The following PRMT3 variants were observed in gnomAD, a reference collection of about 807,000 sequenced individuals.
PRMT3 encodes protein arginine N-methyltransferase 3.
PRMT3 carries 62 observed loss-of-function variants against 71.9 expected under a neutral mutation model. The observed-to-expected ratio is 0.86, with a 90% CI of 0.70 to 1.07. The LOEUF (loss-of-function observed/expected upper bound fraction) is 1.07. Ranked by LOEUF, PRMT3 falls within the 50% of genes least tolerant of loss-of-function variation. The probability of loss-of-function intolerance (pLI) is 0.00; values close to 1 mark genes in which losing one functional copy is unlikely to be tolerated. For missense variants in PRMT3, 663 were observed against 643.0 expected, an observed-to-expected ratio of 1.03 and a Z score of -0.34; for synonymous variants, 213 against 220.4, an observed-to-expected ratio of 0.97 and a Z score of 0.30.
intron 13 of PRMT3, among the ~76,000 whole-genome samples, chr11:20,464,836 T>G (rs1850470894): frequency 6.6e-6 from 1 of 152,168 alleles, no homozygotes; most frequent in Non-Finnish European, 1.5e-5. Flanking sequence ...CAACTTTATC[T>G]TCAAAGACCA....
chr11:20,488,035 C>G (rs1335842371), intron 13 of PRMT3, among the ~76,000 whole-genome samples: 3 of 152,126 alleles, frequency 2.0e-5, no homozygotes. Context: ...TACCACCACT[C>G]AATCTGGCAG....
chr11:20,429,797 T>C (rs1229247431), intron 10 of PRMT3, among the ~76,000 whole-genome samples: 1 of 152,224 alleles, frequency 6.6e-6, no homozygotes, highest in Non-Finnish European at 1.5e-5. Context: ...GGCAGTCAGC[T>C]CTGGATGGCC....
intron 9 of PRMT3, among the ~76,000 whole-genome samples, chr11:20,423,873 T>TAAAAAAAAAAAAAAA (rs58636447): frequency 3.7e-5 from 1 of 27,100 alleles, no homozygotes; most frequent in African/African-American, 1.1e-4. Flanking sequence ...GATTCTCTCT[T>TAAAAAAAAAAAAAAA]AAAAAAAAAA....
chr11:20,492,076 T>C (rs778137899), intron 13 of PRMT3, among the ~76,000 whole-genome samples: 84 of 152,334 alleles, frequency 5.5e-4, no homozygotes, highest in Admixed American at 1.2e-3. Flanking sequence ...GGCATAGAAG[T>C]GAGTTATACA....
chr11:20,417,789 C>T (rs1849340869), intron 9 of PRMT3, among the ~76,000 whole-genome samples: 1 of 152,042 alleles, frequency 6.6e-6, no homozygotes, highest in African/African-American at 2.4e-5. Context: ...CACACACACA[C>T]ACACACACAG....
At chr11:20,451,336 G>A (rs898353557) in intron 10 of PRMT3, among the ~76,000 whole-genome samples, 12 of 152,024 alleles carry the variant, frequency 7.9e-5, no homozygotes, top group African/African-American at 2.9e-4. Flanking sequence ...CAGAAAGTGG[G>A]TAATACTTGG....
At chr11:20,447,460 C>T (rs964011585) in intron 10 of PRMT3, among the ~76,000 whole-genome samples, 2 of 151,964 alleles carry the variant, frequency 1.3e-5, no homozygotes, top group Non-Finnish European at 2.9e-5. Context: ...GTGTCAATAT[C>T]GAGAAACCCT....
In PRMT3 at chr11:20,413,120, A is replaced by G. The variant is rs549602392; in HGVS notation, c.893+5088A>G. On this transcript the variant is annotated intron_variant, in intron 9 of 15. Transcript: ENST00000331079. ...AGGCCTTTTTGTTTTGGATAAGCCAACATTGTACTGTTTCTTCAGAAATGT... is the reference window on the plus strand; with the variant it reads ...AGGCCTTTTTGTTTTGGATAAGCCAGCATTGTACTGTTTCTTCAGAAATGT... Among the ~76,000 whole-genome samples, 6 of 152,342 alleles carry G rather than the reference A, an allele frequency of 3.9e-5. No homozygotes were observed. The South Asian group carries it at 6.2e-4, about 16-fold the overall frequency.
At chr11:20,460,829 T>C (rs1430851048) in intron 11 of PRMT3, among the ~76,000 whole-genome samples, 8 of 152,182 alleles carry the variant, frequency 5.3e-5, no homozygotes, top group African/African-American at 1.9e-4. Flanking sequence ...AGCCTCAAAG[T>C]CCTCTGAGTT....
chr11:20,463,151 G>A (rs959974022), intron 12 of PRMT3, among the ~76,000 whole-genome samples: 4 of 152,110 alleles, frequency 2.6e-5, no homozygotes, highest in Non-Finnish European at 4.4e-5. Flanking sequence ...TTTTAATCAC[G>A]CTGTTACTTT....
chr11:20,504,707 TGAGAGAGAGA>T (rs57201745), intron 15 of PRMT3, among the ~76,000 whole-genome samples: 344 of 133,618 alleles, frequency 2.6e-3, no homozygotes, highest in Admixed American at 4.2e-3. Context: ...TGTGTGTGTG[TGAGAGAGAGA>T]GAGAGAGAGA....
At chr11:20,506,557 TATAAC>T (rs1407529248) in intron 15 of PRMT3, among the ~76,000 whole-genome samples, 1 of 152,220 alleles carries the variant, frequency 6.6e-6, no homozygotes, top group African/African-American at 2.4e-5. Context: ...TGAAAATAAA[TATAAC>T]AGGTGGTTAT....
At chr11:20,417,446 C>T (rs1455663558) in intron 9 of PRMT3, among the ~76,000 whole-genome samples, 1 of 152,078 alleles carries the variant, frequency 6.6e-6, no homozygotes, top group African/African-American at 2.4e-5. Context: ...TAAATGCACT[C>T]GATTAGGTGT....
intron 5 of PRMT3, among the ~76,000 whole-genome samples, chr11:20,393,291 CA>C (rs1374477807): frequency 3.8e-4 from 58 of 152,160 alleles, no homozygotes; most frequent in African/African-American, 1.4e-3. Context: ...ACTAAAAATA[CA>C]AAAAATTAGC....
At chr11:20,411,798 T>C (rs1849198558) in intron 9 of PRMT3, among the ~76,000 whole-genome samples, 2 of 152,164 alleles carry the variant, frequency 1.3e-5, no homozygotes, top group African/African-American at 4.8e-5. Context: ...AAAATAGTTT[T>C]AAAACATTGC....
intron 7 of PRMT3, among the ~76,000 whole-genome samples, chr11:20,401,652 T>TA (rs1848952239): frequency 6.6e-6 from 1 of 152,214 alleles, no homozygotes; most frequent in African/African-American, 2.4e-5. Flanking sequence ...ATGTGAAACT[T>TA]AAAACTAGAA....
chr11:20,481,033 C>G (rs894790959), intron 13 of PRMT3, among the ~76,000 whole-genome samples: 3 of 152,078 alleles, frequency 2.0e-5, no homozygotes, highest in African/African-American at 7.2e-5. Context: ...GAGTAGGAAT[C>G]AAAGAACATT....
rs1218213762 is a variant in PRMT3, at chr11:20,462,023, T to A, written c.1116T>A (p.Asp372Glu). ...ICTISLVAVS[D>E]VNKHADRIAF... Reference sequence around the variant, plus strand: ...CTATCAGCCTTGTAGCAGTGAGTGATGTGAATAAACATGCTGATAGAATTG... The same window carrying A: ...CTATCAGCCTTGTAGCAGTGAGTGAAGTGAATAAACATGCTGATAGAATTG... Residue 372 changes from aspartate to glutamate, a missense_variant, in exon 12 of 16, where the codon GAT becomes GAA. Coordinates refer to ENST00000331079, the MANE Select transcript of PRMT3 (RefSeq NM_005788.4). The A allele has an allele frequency of 1.9e-6, 3 of 1,611,076 alleles. No homozygotes were observed. In the African/African-American group the frequency reaches 4.0e-5, roughly 22 times the overall value.
At chr11:20,413,037 ATG>A (rs1849229352) in intron 9 of PRMT3, among the ~76,000 whole-genome samples, 1 of 151,930 alleles carries the variant, frequency 6.6e-6, no homozygotes, top group South Asian at 2.1e-4. Context: ...CTTACAAGGT[ATG>A]TATTGGTTGT....
Sources: allele counts gnomAD v4.1 joint callset (sites outside exome capture counted in the v4.1 genomes callset), GRCh38; gene constraint gnomAD v4.1.1; transcripts MANE v1.5; gene names NCBI Gene and HGNC (gene_info 2026-07-23, HGNC 2026-07-21).